Variants in FERMT2 observed in about 807,000 individuals in gnomAD.
The protein encoded by FERMT2 is FERM domain containing kindlin 2, also known as fermitin family homolog 2.
A neutral mutation model predicts 82.7 loss-of-function variants in FERMT2; 15 were observed. That is an observed-to-expected ratio of 0.18 (90% CI 0.12 to 0.28). The LOEUF (loss-of-function observed/expected upper bound fraction) is 0.28. FERMT2 is among the 10% of genes least tolerant of loss of function. The probability of loss-of-function intolerance (pLI) is 1.00; values close to 1 mark genes in which losing one functional copy is unlikely to be tolerated. For missense variants in FERMT2, 645 were observed against 809.4 expected (o/e 0.80, Z 2.46); for synonymous variants, 274 against 271.5 (o/e 1.01, Z -0.09).
chr14:52,879,011 T>C (rs1267643057), intron 6 of FERMT2, among the ~76,000 whole-genome samples: 3 of 152,156 alleles, frequency 2.0e-5, no homozygotes, highest in African/African-American at 4.8e-5. Flanking sequence ...GCCTTTAACA[T>C]AAGAAATCTA....
intron 4 of FERMT2, among the ~76,000 whole-genome samples, chr14:52,893,090 G>A (rs113061527): frequency 0.013 from 1,904 of 152,190 alleles, 26 homozygotes; most frequent in African/African-American, 0.042. Context: ...TCTGCCTCCC[G>A]GGTTCAAGCG....
At chr14:52,924,178 T>C (rs779145935) in intron 2 of FERMT2, among the ~76,000 whole-genome samples, 1 of 152,132 alleles carries the variant, frequency 6.6e-6, no homozygotes, top group South Asian at 2.1e-4. Flanking sequence ...TCCAGCACCA[T>C]TGAGGGAGAC....
chr14:52,906,028 T>C (rs1362526236), intron 3 of FERMT2, among the ~76,000 whole-genome samples: 1 of 152,126 alleles, frequency 6.6e-6, no homozygotes, highest in East Asian at 1.9e-4. Flanking sequence ...TTTCAGACAT[T>C]AGGCAACAAG....
chr14:52,915,107 C>CT (rs1278537629), intron 3 of FERMT2, among the ~76,000 whole-genome samples: 1 of 151,990 alleles, frequency 6.6e-6, no homozygotes, highest in Non-Finnish European at 1.5e-5. Flanking sequence ...TGGAAGAAAA[C>CT]TTTTTTTAAA....
intron 2 of FERMT2, among the ~76,000 whole-genome samples, chr14:52,943,623 G>C (rs1890194510): frequency 6.6e-6 from 1 of 151,306 alleles, no homozygotes. Context: ...GAAGTTTCTT[G>C]TTCTTAGGTG....
intron 4 of FERMT2, 67 bp downstream of exon 4, chr14:52,893,226 A>G: frequency 7.1e-7 from 1 of 1,402,450 alleles, no homozygotes; most frequent in Non-Finnish European, 9.5e-7. Flanking sequence ...TTTACCCACC[A>G]CCAGAAAGAC....
Position 52,950,147 on chromosome 14 carries a change from C to A in FERMT2, c.157+265G>T, listed in dbSNP as rs115261931. Among the ~76,000 whole-genome samples the A allele has an allele frequency of 9.2e-3, 1,396 of 152,328 alleles. 21 individuals are homozygous for A. Among genetic ancestry groups the A allele is most frequent in the African/African-American group, 0.032 (1,313 of 41,562 alleles). On this transcript the variant is annotated intron_variant, in intron 2 of 14. Coordinates refer to ENST00000341590, the MANE Select transcript of FERMT2 (RefSeq NM_006832.3). The stretch of plus-strand genomic sequence containing the variant: ...AATTAACGAGTTCCCCGGCACACAT[C>A]CCCCGTCCCGCGTAACTACGCAATT...
chr14:52,928,415 G>A lies in FERMT2; in HGVS notation c.158-9059C>T, dbSNP rs762319975. Reference sequence around the variant, plus strand: ...TACCATAATCAAGAGTTGACTGGAGGTAAAGAACACTACAATCCCAGTGTT... The same window carrying A: ...TACCATAATCAAGAGTTGACTGGAGATAAAGAACACTACAATCCCAGTGTT... On this transcript the variant is annotated intron_variant, in intron 2 of 14. Transcript: ENST00000341590. The A allele has an allele frequency of 7.1e-5, 11 of 154,250 alleles. 1 individual carries two copies. The highest frequency in any genetic ancestry group is 1.4e-4 in the African/African-American group (6 of 41,436). 9.6% of individuals were successfully genotyped at this position (154,250 alleles called of 1,614,324 possible).
intron 2 of FERMT2, 49 bp downstream of exon 2, chr14:52,950,363 T>TA (rs778552374): frequency 3.7e-4 from 579 of 1,570,846 alleles, no homozygotes; most frequent in Non-Finnish European, 4.6e-4. Context: ...TTCCTCCCCC[T>TA]ACCAATTCTG....
chr14:52,924,303 C>A (rs1019828497), intron 2 of FERMT2, among the ~76,000 whole-genome samples: 3 of 152,096 alleles, frequency 2.0e-5, no homozygotes, highest in Non-Finnish European at 4.4e-5. Context: ...TGAGATAAGG[C>A]CCTAGAGCAG....
In FERMT2 at chr14:52,944,979, C is replaced by T. The variant is rs147397179; in HGVS notation, c.157+5433G>A. 4.4e-3 allele frequency among the ~76,000 whole-genome samples: 662 copies of T among 152,150 alleles called. 4 individuals are homozygous for T. Among genetic ancestry groups the T allele is most frequent in the African/African-American group, 0.015 (636 of 41,500 alleles). ...GCTGGGGTGTAATCACAGCTCACTG[C>T]AGCTGCAAACTCCCAGCTTCAGGCA... is the stretch of plus-strand genomic sequence containing the variant. On this transcript the variant is annotated intron_variant, in intron 2 of 14. Coordinates refer to ENST00000341590, the MANE Select transcript of FERMT2 (RefSeq NM_006832.3).
chr14:52,860,561 C>T, intron 12 of FERMT2, 96 bp from the exon 13 acceptor site: 1 of 1,023,448 alleles, frequency 9.8e-7, no homozygotes, highest in Non-Finnish European at 1.4e-6. Flanking sequence ...GCACCCCGTA[C>T]CCCAAAATCA....
chr14:52,934,051 T>C (rs1406117287), intron 2 of FERMT2, among the ~76,000 whole-genome samples: 1 of 152,222 alleles, frequency 6.6e-6, no homozygotes, highest in African/African-American at 2.4e-5. Flanking sequence ...CTTTGAATGA[T>C]ATAATTCATT....
chr14:52,859,864 C>T (rs984950944), intron 13 of FERMT2, 150 bp from the exon 14 acceptor site: 35 of 436,114 alleles, frequency 8.0e-5, no homozygotes, highest in East Asian at 3.8e-4. Context: ...GTTGCCCAGG[C>T]TGGAGTGCAG....
intron 2 of FERMT2, among the ~76,000 whole-genome samples, chr14:52,937,801 T>C (rs1411776191): frequency 6.6e-6 from 1 of 152,236 alleles, no homozygotes; most frequent in Non-Finnish European, 1.5e-5. Flanking sequence ...TACACATCAA[T>C]GTCCCATCTC....
chr14:52,877,258 A>G (rs956780786), intron 7 of FERMT2, among the ~76,000 whole-genome samples: 4 of 152,220 alleles, frequency 2.6e-5, no homozygotes, highest in African/African-American at 9.6e-5. Flanking sequence ...CATATTTTAC[A>G]GGTATTATTA....
intron 8 of FERMT2, 100 bp from the exon 9 acceptor site, chr14:52,874,326 A>C (rs1351230974): frequency 1.7e-6 from 1 of 597,672 alleles, no homozygotes; most frequent in Non-Finnish European, 2.8e-6. Flanking sequence ...AATAAACAGA[A>C]TGACATAAAA....
chr14:52,893,407 G>A lies in FERMT2; in HGVS notation c.412C>T (p.Leu138Phe). 1.2e-6 allele frequency: 2 copies of A among 1,601,476 alleles called. No homozygotes were observed. Among genetic ancestry groups the A allele is most frequent in the South Asian group, 1.1e-5 (1 of 88,178 alleles). The change falls in exon 4 of 15, where the codon CTT (leucine) becomes TTT (phenylalanine). Residue 138 changes from leucine to phenylalanine, a missense_variant. Leu to Phe is a conservative substitution (Grantham distance 22). Coordinates refer to ENST00000341590, the MANE Select transcript of FERMT2 (RefSeq NM_006832.3). The stretch of plus-strand genomic sequence containing the variant: ...TCTCTGGGTTTCTTTAAGAGAGAAA[G>A]TTCTTCGGGGTGTCTGATATCTGTT... ...KTFNIRHPEE[L>F]SLLKKPRDPT...
intron 1 of FERMT2, 148 bp from the exon 2 acceptor site, chr14:52,950,725 G>T: frequency 1.4e-6 from 1 of 698,960 alleles, no homozygotes; most frequent in South Asian, 1.8e-5. Context: ...CGGCGGCCGG[G>T]GCTGCGGGAG....
Sources: allele counts gnomAD v4.1 joint callset (sites outside exome capture counted in the v4.1 genomes callset), GRCh38; gene constraint gnomAD v4.1.1; transcripts MANE v1.5; gene names NCBI Gene and HGNC (gene_info 2026-07-23, HGNC 2026-07-21).